Variants in HOMER2 observed in about 807,000 individuals in gnomAD.
HOMER2 encodes homer protein homolog 2.
Under a neutral mutation model 47.0 loss-of-function variants are expected in HOMER2, and 27 were observed. The observed-to-expected ratio is 0.57, with a 90% CI of 0.42 to 0.79. HOMER2 has a LOEUF of 0.79. Among genes scored for constraint, HOMER2 ranks in the 30% least tolerant of loss-of-function variants. The pLI is 0.00. For synonymous variants in HOMER2, 161 were observed against 163.8 expected (o/e 0.98, Z 0.13); for missense variants, 443 against 435.0 (o/e 1.02, Z -0.16).
chr15:82,903,619 A>AAC (rs562702267), intron 1 of HOMER2, among the ~76,000 whole-genome samples: 7,735 of 150,810 alleles, frequency 0.051, 264 homozygotes, highest in Middle Eastern at 0.092. Flanking sequence ...AACTCCTCTA[A>AAC]ACACACACAC....
intron 1 of HOMER2, among the ~76,000 whole-genome samples, chr15:82,972,180 G>A (rs905334852): frequency 7.2e-5 from 11 of 152,100 alleles, no homozygotes; most frequent in Non-Finnish European, 1.3e-4. Flanking sequence ...GATCCTTAAT[G>A]CTCATTTGTA....
chr15:82,949,909 T>A (rs1413925418), intron 1 of HOMER2, among the ~76,000 whole-genome samples: 1 of 152,116 alleles, frequency 6.6e-6, no homozygotes, highest in South Asian at 2.1e-4. Context: ...AGATGTATGC[T>A]CCTATACTGA....
intron 1 of HOMER2, among the ~76,000 whole-genome samples, chr15:82,895,860 C>A (rs1488742670): frequency 6.6e-6 from 1 of 152,180 alleles, no homozygotes; most frequent in Non-Finnish European, 1.5e-5. Context: ...CCCCCTTGAA[C>A]CTGGCTCTCC....
exon 2 of HOMER2, chr15:82,841,833 G>A (rs2051179080): frequency 6.6e-6 from 1 of 152,102 alleles, no homozygotes; most frequent in African/African-American, 2.4e-5. Flanking sequence ...GTAAGAATGA[G>A]GTAGATTGAT....
At chr15:82,923,153 C>A (rs2053774500) in intron 1 of HOMER2, among the ~76,000 whole-genome samples, 1 of 152,078 alleles carries the variant, frequency 6.6e-6, no homozygotes, top group African/African-American at 2.4e-5. Flanking sequence ...GGGTAGGGAT[C>A]AGGTTTTCAT....
chr15:82,916,739 A>G (rs1446639229), intron 1 of HOMER2, among the ~76,000 whole-genome samples: 2 of 151,980 alleles, frequency 1.3e-5, no homozygotes, highest in Non-Finnish European at 2.9e-5. Context: ...GCACTAAGAG[A>G]GCTGAGCCCT....
chr15:82,935,159 G>A (rs1310245628), intron 1 of HOMER2, among the ~76,000 whole-genome samples: 2 of 152,108 alleles, frequency 1.3e-5, no homozygotes, highest in East Asian at 1.9e-4. Context: ...CCGCACCTGC[G>A]CCCTCTCATG....
At chr15:82,959,371 C>G (rs2054611809) in intron 1 of HOMER2, 2 of 152,268 alleles carry the variant, frequency 1.3e-5, no homozygotes, top group Admixed American at 1.3e-4. Flanking sequence ...TGCCCACTGT[C>G]AGCATATAGT....
intron 1 of HOMER2, among the ~76,000 whole-genome samples, chr15:82,927,280 G>GT (rs1245712608): frequency 6.6e-6 from 1 of 152,122 alleles, no homozygotes; most frequent in African/African-American, 2.4e-5. Context: ...TCATTAAAAT[G>GT]TAAGCTTCAA....
At chr15:82,860,035 G>A (rs2051725150) in intron 4 of HOMER2, among the ~76,000 whole-genome samples, 1 of 151,960 alleles carries the variant, frequency 6.6e-6, no homozygotes, top group Non-Finnish European at 1.5e-5. Context: ...ATCACCTGAG[G>A]CCAGGAGTTT....
chr15:82,905,477 C>T (rs945121367), intron 1 of HOMER2, among the ~76,000 whole-genome samples: 13 of 151,864 alleles, frequency 8.6e-5, no homozygotes, highest in African/African-American at 3.1e-4. Context: ...TCAGAGAACA[C>T]CCTGCAGGAT....
intron 1 of HOMER2, among the ~76,000 whole-genome samples, chr15:82,908,747 TAA>T (rs145654945): frequency 1.8e-4 from 27 of 148,584 alleles, no homozygotes; most frequent in Non-Finnish European, 2.8e-4. Context: ...GCTTTTTTTT[TAA>T]AAAAAAAAAA....
intron 1 of HOMER2, among the ~76,000 whole-genome samples, chr15:82,968,085 A>G (rs2054691976): frequency 1.3e-5 from 2 of 152,162 alleles, no homozygotes; most frequent in Admixed American, 6.5e-5. Context: ...TCTTTTTTGT[A>G]GAGGTAGAGT....
chr15:82,853,933 C>G (rs1008103285), intron 6 of HOMER2, among the ~76,000 whole-genome samples: 9 of 152,190 alleles, frequency 5.9e-5, no homozygotes, highest in African/African-American at 2.2e-4. Context: ...GACTTCCAAG[C>G]AGGCGCAACT....
chr15:82,852,067 C>G lies in HOMER2; in HGVS notation c.762+75G>C. The G allele has an allele frequency of 5.1e-6, 5 of 980,650 alleles. No homozygotes were observed. The Admixed American group carries it at 8.1e-5, about 16-fold the overall frequency. The allele number at this position is 980,650 out of a possible 1,614,324, so 60.7% of individuals were successfully genotyped here. On this transcript the variant is annotated intron_variant, in intron 7 of 8. Transcript: ENST00000450735. ...AGCTGCCAGGGCCAGTCATAGGCCC[C>G]AAGACACCTGCTGTGTGCCACCCCG...
At chr15:82,889,154 C>G (rs952733088) in intron 2 of HOMER2, among the ~76,000 whole-genome samples, 13 of 152,302 alleles carry the variant, frequency 8.5e-5, no homozygotes, top group African/African-American at 2.9e-4. Flanking sequence ...AGACACAGCC[C>G]CAAAAGCTAA....
chr15:82,938,068 A>G (rs1477667289), intron 1 of HOMER2, among the ~76,000 whole-genome samples: 1 of 152,054 alleles, frequency 6.6e-6, no homozygotes, highest in African/African-American at 2.4e-5. Flanking sequence ...CTTATCTCAC[A>G]CAGAGAAGAA....
At chr15:82,892,628 C>T (rs1202273984) in intron 2 of HOMER2, 57 bp downstream of exon 2, 13 of 1,355,474 alleles carry the variant, frequency 9.6e-6, no homozygotes, top group South Asian at 2.1e-5. Context: ...ATTTTGGGTG[C>T]ATCTTGGATG....
In HOMER2 at chr15:82,872,002, AG is replaced by A. The variant is rs1485940647; in HGVS notation, c.294+3270del. On this transcript the variant is annotated intron_variant, in intron 3 of 8. Coordinates refer to ENST00000450735, the MANE Select transcript of HOMER2 (RefSeq NM_004839.4). ...TCAGGGAAGAACTTCCAGCCCTGGG[AG>A]GGAACAGGAGCACATGACCAGGACG... Among the ~76,000 whole-genome samples the A allele has an allele frequency of 2.0e-5, 3 of 152,248 alleles. No homozygotes were observed. In the East Asian group the frequency reaches 5.8e-4, roughly 29 times the overall value.
Sources: allele counts gnomAD v4.1 joint callset (sites outside exome capture counted in the v4.1 genomes callset), GRCh38; gene constraint gnomAD v4.1.1; transcripts MANE v1.5; gene names NCBI Gene and HGNC (gene_info 2026-07-23, HGNC 2026-07-21).